The following OR4K13 variants were observed in gnomAD, a reference collection of about 807,000 sequenced individuals.
OR4K13 encodes the protein olfactory receptor 4K13.
For missense variants in OR4K13, 403 were observed against 366.0 expected (o/e 1.10, Z -0.82); for synonymous variants, 160 against 134.8 (o/e 1.19, Z -1.30).
Position 20,034,441 on chromosome 14 carries a change from G to C in OR4K13, c.318C>G (p.Leu106=), listed in dbSNP as rs1877513824. Residue 106 remains leucine, a synonymous_variant, in exon 2 of 2, where the codon CTC becomes CTG. Coordinates refer to ENST00000641904, the MANE Select transcript of OR4K13 (RefSeq NM_001004714.2). ...GCYSQMFFMH[L]LGGSEMMLLV... is the part of the protein sequence containing the mutation. ...GCAACATCATCTCACTCCCACCCAG[G>C]AGGTGCATAAAGAACATCTGGGAAT... 1 of 1,613,834 alleles carries C rather than the reference G, an allele frequency of 6.2e-7. No homozygotes were observed. The highest frequency in any genetic ancestry group is 8.5e-7 in the Non-Finnish European group (1 of 1,179,984).
rs561321323 is a variant in OR4K13 at position 20,032,513 on chromosome 14, C to G, written c.*1331G>C. 1.3e-5 allele frequency: 2 copies of G among 152,282 alleles called. No homozygotes were observed. Among genetic ancestry groups the G allele is most frequent in the South Asian group, 4.2e-4 (2 of 4,818 alleles). 9.4% of individuals were successfully genotyped at this position (152,282 alleles called of 1,614,324 possible). ...ATCTTCTGTCTCTGGAATGGCTTTT[C>G]TGGATACTAGGTATAATATATCCAA... On this transcript the variant is annotated 3_prime_UTR_variant, in exon 2 of 2. Transcript: ENST00000641904.
chr14:20,034,883 A>G lies in OR4K13; in HGVS notation c.-125T>C, dbSNP rs1877530607. 1.3e-6 allele frequency: 1 copy of G among 767,768 alleles called. No individual in the cohort carries two copies. The allele number at this position is 767,768 out of a possible 1,614,324, so 47.6% of individuals were successfully genotyped here. On this transcript the variant is annotated 5_prime_UTR_variant, in exon 2 of 2. Transcript: ENST00000641904. ...GTACTCAGTCAAGGCACTTGAACTT[A>G]CAAGGACCCTTACTTTTGTGGAATT... is the stretch of plus-strand genomic sequence containing the variant.
In OR4K13 at chr14:20,033,282, A is replaced by G. The variant is rs1224486728; in HGVS notation, c.*562T>C. 6.5e-6 allele frequency: 1 copy of G among 153,044 alleles called. No homozygotes were observed. The highest frequency in any genetic ancestry group is 2.4e-5 in the African/African-American group (1 of 41,472). 9.5% of individuals were successfully genotyped at this position (153,044 alleles called of 1,614,324 possible). Reference sequence around the variant, plus strand: ...ATTTAATACACACTAATCAGGGATTACCCAGAACATGCAGTTTTCTAGCCT... The same window carrying G: ...ATTTAATACACACTAATCAGGGATTGCCCAGAACATGCAGTTTTCTAGCCT... On this transcript the variant is annotated 3_prime_UTR_variant, in exon 2 of 2. Coordinates refer to ENST00000641904, the MANE Select transcript of OR4K13 (RefSeq NM_001004714.2).
Position 20,033,916 on chromosome 14 carries a change from G to A in OR4K13, c.843C>T (p.Leu281=). ...LSVFYTIFTP[L]LNPIIYTLRN... ...TTAATGTATAAATAATAGGATTTAAGAGAGGTGTGAAAATTGTGTAAAACA... is the reference window on the plus strand; with the variant it reads ...TTAATGTATAAATAATAGGATTTAAAAGAGGTGTGAAAATTGTGTAAAACA... Residue 281 remains leucine, a synonymous_variant, in exon 2 of 2, where the codon CTC becomes CTT. Transcript: ENST00000641904. 1 of 1,595,766 alleles carries A rather than the reference G, an allele frequency of 6.3e-7. No homozygotes were observed. Among genetic ancestry groups the A allele is most frequent in the Non-Finnish European group, 8.6e-7 (1 of 1,163,624 alleles).
chr14:20,032,318 T>C lies in OR4K13; in HGVS notation c.*1526A>G, dbSNP rs1566529918. 1 of 152,166 alleles carries C rather than the reference T, an allele frequency of 6.6e-6. No individual in the cohort carries two copies. The highest frequency in any genetic ancestry group is 6.5e-5 in the Admixed American group (1 of 15,272). The allele number at this position is 152,166 out of a possible 1,614,324, so 9.4% of individuals were successfully genotyped here. ...AAGAAAGAAAAAAAAAGTTTGAAAA[T>C]GCATTTTGAGGCTGGGATCCTTGGT... On this transcript the variant is annotated 3_prime_UTR_variant, in exon 2 of 2. Coordinates refer to ENST00000641904, the MANE Select transcript of OR4K13 (RefSeq NM_001004714.2).
chr14:20,030,845 A>G lies in OR4K13; in HGVS notation c.*2999T>C. The G allele has an allele frequency of 6.6e-6, 1 of 152,224 alleles. No individual in the cohort carries two copies. 9.4% of individuals were successfully genotyped at this position (152,224 alleles called of 1,614,324 possible). A position where few individuals can be genotyped will look rare whatever the true frequency, so the allele number is the denominator to read the frequency against. On this transcript the variant is annotated 3_prime_UTR_variant, in exon 2 of 2. Coordinates refer to ENST00000641904, the MANE Select transcript of OR4K13 (RefSeq NM_001004714.2). Reference sequence around the variant, plus strand: ...AGACTACCCTGGCCAACATGCCCAAACCCTGTCTCTACTAAAAATACAAAA... The same window carrying G: ...AGACTACCCTGGCCAACATGCCCAAGCCCTGTCTCTACTAAAAATACAAAA...
rs1877439375 is a variant in OR4K13, at chr14:20,032,248, G to T, written c.*1596C>A. The T allele has an allele frequency of 6.6e-6, 1 of 152,144 alleles. No individual in the cohort carries two copies. The highest frequency in any genetic ancestry group is 6.5e-5 in the Admixed American group (1 of 15,282). 9.4% of individuals were successfully genotyped at this position (152,144 alleles called of 1,614,324 possible). A position where few individuals can be genotyped will look rare whatever the true frequency, so the allele number is the denominator to read the frequency against. ...GTGTATGAATGTACCTGGTGGGAAA[G>T]GGAGACAAAGTCTTACAACACAAGG... On this transcript the variant is annotated 3_prime_UTR_variant, in exon 2 of 2. Coordinates refer to ENST00000641904, the MANE Select transcript of OR4K13 (RefSeq NM_001004714.2).
At chr14:20,035,079 C>T (rs920152461) in intron 1 of OR4K13, 98 bp from the exon 2 acceptor site, 1 of 225,820 alleles carries the variant, frequency 4.4e-6, no homozygotes, top group Admixed American at 5.2e-5. Context: ...CCTGGGTAAG[C>T]TGCTCACTGG....
Position 20,034,413 on chromosome 14 carries a change from C to G in OR4K13, c.346G>C (p.Val116Leu). 2 of 1,613,942 alleles carry G rather than the reference C, an allele frequency of 1.2e-6. No individual in the cohort carries two copies. The highest frequency in any genetic ancestry group is 1.7e-6 in the Non-Finnish European group (2 of 1,179,970). ...LLGGSEMMLLVAMAIDRYVAI... is the reference protein window; with the variant it reads ...LLGGSEMMLLLAMAIDRYVAI... ...ACATACCTGTCTATTGCCATGGCTA[C>G]AAGCAACATCATCTCACTCCCACCC... Residue 116 changes from valine to leucine, a missense_variant, in exon 2 of 2, where the codon GTA (valine) becomes CTA (leucine). By Grantham distance (32) the Val-to-Leu change is conservative. Transcript: ENST00000641904.
chr14:20,034,363 G>A lies in OR4K13; in HGVS notation c.396C>T (p.Tyr132=), dbSNP rs1191855993. 6.2e-7 allele frequency: 1 copy of A among 1,614,168 alleles called. No homozygotes were observed. Among genetic ancestry groups the A allele is most frequent in the East Asian group, 2.2e-5 (1 of 44,882 alleles). Residue 132 remains tyrosine (Y), a synonymous_variant, in exon 2 of 2, where the codon TAC becomes TAT. Transcript: ENST00000641904. ...GCACCCGTGGGCTCATGATGGTCAT[G>A]TAATGGAGGGGTTTGCATATGGCAA... is the stretch of plus-strand genomic sequence containing the variant. ...RYVAICKPLH[Y]MTIMSPRVLT... is the part of the protein sequence containing the mutation.
In OR4K13 at chr14:20,031,600, A is replaced by G. The variant is rs1280796868; in HGVS notation, c.*2244T>C. 2 of 152,204 alleles carry G rather than the reference A, an allele frequency of 1.3e-5. No individual in the cohort carries two copies. The highest frequency in any genetic ancestry group is 2.9e-5 in the Non-Finnish European group (2 of 68,046). 9.4% of individuals were successfully genotyped at this position (152,204 alleles called of 1,614,324 possible). On this transcript the variant is annotated 3_prime_UTR_variant, in exon 2 of 2. Coordinates refer to ENST00000641904, the MANE Select transcript of OR4K13 (RefSeq NM_001004714.2). ...AAATAATTTATATCACAAATTCGTG[A>G]CAATTTGCTCAACAAATTGTCAGTC... is the stretch of plus-strand genomic sequence containing the variant.
chr14:20,034,620 C>A lies in OR4K13; in HGVS notation c.139G>T (p.Val47Leu), dbSNP rs144683363. 1.9e-6 allele frequency: 3 copies of A among 1,613,706 alleles called. No homozygotes were observed. Among genetic ancestry groups the A allele is most frequent in the Non-Finnish European group, 2.5e-6 (3 of 1,179,942 alleles). ...AGGAGCGAATCAAAGGTCACAGTCACCAAGATGAGCAGGTTTCCTAACACA... is the reference window on the plus strand; with the variant it reads ...AGGAGCGAATCAAAGGTCACAGTCAACAAGATGAGCAGGTTTCCTAACACA... ...GIVLGNLLIL[V>L]TVTFDSLLHT... The change falls in exon 2 of 2, where the codon GTG becomes TTG. Residue 47 changes from valine to leucine, a missense_variant. Coordinates refer to ENST00000641904, the MANE Select transcript of OR4K13 (RefSeq NM_001004714.2).
Position 20,032,695 on chromosome 14 carries a change from G to T in OR4K13, c.*1149C>A, listed in dbSNP as rs1380726886. 5 of 152,198 alleles carry T rather than the reference G, an allele frequency of 3.3e-5. No homozygotes were observed. The East Asian group carries it at 7.7e-4, about 23-fold the overall frequency. The allele number at this position is 152,198 out of a possible 1,614,324, so 9.4% of individuals were successfully genotyped here. A position where few individuals can be genotyped will look rare whatever the true frequency, so the allele number is the denominator to read the frequency against. On this transcript the variant is annotated 3_prime_UTR_variant, in exon 2 of 2. Transcript: ENST00000641904. ...GAGAAATATGAACAGAGCTAAGAAG[G>T]GGGAGATAAACTTGGAATAGAAGCA...
In OR4K13 at chr14:20,034,244, T is replaced by C. The variant is rs866386216; in HGVS notation, c.515A>G (p.Asn172Ser). The C allele has an allele frequency of 7.4e-6, 12 of 1,613,888 alleles. No homozygotes were observed. The highest frequency in any genetic ancestry group is 3.3e-5 in the Admixed American group (2 of 59,990). Residue 172 changes from asparagine to serine, a missense_variant, in exon 2 of 2, where the codon AAT (asparagine) becomes AGT (serine). Asn to Ser is a conservative substitution (Grantham distance 46). Transcript: ENST00000641904. ...FMLTLPFCGPNVIDSFFCDLP... is the reference protein window; with the variant it reads ...FMLTLPFCGPSVIDSFFCDLP... ...GTCACAGAAAAAGCTGTCTATAACA[T>C]TGGGACCACAGAAGGGCAAAGTCAA...
chr14:20,030,034 C>G lies in OR4K13; in HGVS notation c.*3810G>C, dbSNP rs1877379519. The G allele has an allele frequency of 6.6e-6, 1 of 152,098 alleles. No homozygotes were observed. The highest frequency in any genetic ancestry group is 2.1e-4 in the South Asian group (1 of 4,824). 9.4% of individuals were successfully genotyped at this position (152,098 alleles called of 1,614,324 possible). A position where few individuals can be genotyped will look rare whatever the true frequency, so the allele number is the denominator to read the frequency against. ...CATTGCGCCAAGTGAAAAAAGCCAC[C>G]CTCAACAGGCTATTTGCTGTATGAT... On this transcript the variant is annotated 3_prime_UTR_variant, in exon 2 of 2. Coordinates refer to ENST00000641904, the MANE Select transcript of OR4K13 (RefSeq NM_001004714.2).
chr14:20,034,771 A>G lies in OR4K13; in HGVS notation c.-13T>C. ...TTGCTCTTTCCATATCGTCAACTTT[A>G]TCCCATAATGATCAAAATAAGTGAG... On this transcript the variant is annotated 5_prime_UTR_variant, in exon 2 of 2. The change abolishes the stop of an existing upstream ORF in the 5' untranslated region. Coordinates refer to ENST00000641904, the MANE Select transcript of OR4K13 (RefSeq NM_001004714.2). 1 of 1,580,122 alleles carries G rather than the reference A, an allele frequency of 6.3e-7. No homozygotes were observed. The highest frequency in any genetic ancestry group is 8.6e-7 in the Non-Finnish European group (1 of 1,162,584).
chr14:20,031,483 ATTGAGTAGTTAGTAGCT>A lies in OR4K13; in HGVS notation c.*2344_*2360del, dbSNP rs1158801387. 6.6e-6 allele frequency: 1 copy of A among 152,212 alleles called. No individual in the cohort carries two copies. Among genetic ancestry groups the A allele is most frequent in the African/African-American group, 2.4e-5 (1 of 41,446 alleles). The allele number at this position is 152,212 out of a possible 1,614,324, so 9.4% of individuals were successfully genotyped here. A position where few individuals can be genotyped will look rare whatever the true frequency, so the allele number is the denominator to read the frequency against. On this transcript the variant is annotated 3_prime_UTR_variant, in exon 2 of 2. Transcript: ENST00000641904. Reference sequence around the variant, plus strand: ...ATTAGCTAAATTATTTGGGAAAAATATTGAGTAGTTAGTAGCTTTCTCTGGCATAAGAAATACATAAT... The same window carrying A: ...ATTAGCTAAATTATTTGGGAAAAATATTCTCTGGCATAAGAAATACATAAT...
rs1361174659 is a variant in OR4K13 at position 20,033,140 on chromosome 14, C to G, written c.*704G>C. 6.6e-6 allele frequency: 1 copy of G among 152,218 alleles called. No individual in the cohort carries two copies. The highest frequency in any genetic ancestry group is 2.4e-5 in the African/African-American group (1 of 41,446). 9.4% of individuals were successfully genotyped at this position (152,218 alleles called of 1,614,324 possible). On this transcript the variant is annotated 3_prime_UTR_variant, in exon 2 of 2. Transcript: ENST00000641904. Reference sequence around the variant, plus strand: ...CAACTGCCAATTTAGTTTGCTCGATCTATCCATAGGCTGTAAGTTCCTTGA... The same window carrying G: ...CAACTGCCAATTTAGTTTGCTCGATGTATCCATAGGCTGTAAGTTCCTTGA...
Position 20,033,925 on chromosome 14 carries a change from G to C in OR4K13, c.834C>G (p.Phe278Leu). The change falls in exon 2 of 2, where the codon TTC becomes TTG. Residue 278 changes from phenylalanine (F) to leucine (L), a missense_variant. Transcript: ENST00000641904. ...AAATAATAGGATTTAAGAGAGGTGT[G>C]AAAATTGTGTAAAACACAGAAAGAA... is the stretch of plus-strand genomic sequence containing the variant. ...DKILSVFYTI[F>L]TPLLNPIIYT... 6.2e-7 allele frequency: 1 copy of C among 1,605,278 alleles called. No homozygotes were observed. Among genetic ancestry groups the C allele is most frequent in the Non-Finnish European group, 8.5e-7 (1 of 1,172,118 alleles).
Sources: gnomAD v4.1 joint callset for allele counts on GRCh38, gnomAD v4.1.1 for gene constraint, MANE v1.5 for transcripts, NCBI Gene and HGNC (gene_info 2026-07-23, HGNC 2026-07-21) for gene names.